Variants in SLC4A10 observed in about 807,000 individuals in gnomAD.
The protein encoded by SLC4A10 is solute carrier family 4 member 10.
Under a neutral mutation model 137.7 loss-of-function variants are expected in SLC4A10, and 42 were observed. The observed-to-expected ratio is 0.30, with a 90% CI of 0.24 to 0.39. The LOEUF (loss-of-function observed/expected upper bound fraction) is 0.39. SLC4A10 is among the 10% of genes least tolerant of loss of function. The probability of loss-of-function intolerance (pLI) is 1.00; values close to 1 mark genes in which losing one functional copy is unlikely to be tolerated. For missense variants in SLC4A10, 925 were observed against 1,355.0 expected (o/e 0.68, Z 4.98); for synonymous variants, 474 against 464.1 (o/e 1.02, Z -0.27).
At position 161,983,331 on chromosome 2, in the gene SLC4A10, C is replaced by A; in HGVS notation, c.*179C>A. ...CTGCTTTGATCATGTATTGTAAATTCTGTCCCTCAACCCAAATCCACCTTC... is the reference window on the plus strand; with the variant it reads ...CTGCTTTGATCATGTATTGTAAATTATGTCCCTCAACCCAAATCCACCTTC... On this transcript the variant is annotated 3_prime_UTR_variant, in exon 27 of 27. Transcript: ENST00000446997. 1.6e-6 allele frequency: 2 copies of A among 1,287,848 alleles called. No homozygotes were observed. Among genetic ancestry groups the A allele is most frequent in the East Asian group, 2.5e-5 (1 of 39,714 alleles). 79.8% of individuals were successfully genotyped at this position (1,287,848 alleles called of 1,614,324 possible). A position where few individuals can be genotyped will look rare whatever the true frequency, so the allele number is the denominator to read the frequency against.
intron 15 of SLC4A10, among the ~76,000 whole-genome samples, chr2:161,910,867 A>T (rs1330302194): frequency 6.6e-6 from 1 of 151,808 alleles, no homozygotes; most frequent in Non-Finnish European, 1.5e-5. Context: ...CTAGATTTGA[A>T]CCTCCTTTAA....
chr2:161,749,716 T>C (rs1479200059), intron 1 of SLC4A10, among the ~76,000 whole-genome samples: 2 of 151,858 alleles, frequency 1.3e-5, no homozygotes, highest in African/African-American at 4.8e-5. Flanking sequence ...TGGCCTGTAG[T>C]TGTTTTTTGT....
intron 2 of SLC4A10, among the ~76,000 whole-genome samples, chr2:161,799,449 A>G (rs2055148457): frequency 6.6e-6 from 1 of 151,892 alleles, no homozygotes; most frequent in African/African-American, 2.4e-5. Context: ...TCTTTACAGG[A>G]CCTGAGGGGA....
chr2:161,704,112 T>C (rs1358386776), intron 1 of SLC4A10, among the ~76,000 whole-genome samples: 1 of 151,572 alleles, frequency 6.6e-6, no homozygotes, highest in Non-Finnish European at 1.5e-5. Flanking sequence ...ATTGTCCTGC[T>C]GTTAGTGAAA....
At chr2:161,826,312 T>C (rs1404622355) in intron 3 of SLC4A10, among the ~76,000 whole-genome samples, 1 of 152,200 alleles carries the variant, frequency 6.6e-6, no homozygotes, top group Non-Finnish European at 1.5e-5. Flanking sequence ...GATTCAGAAA[T>C]TCACAATGGT....
At chr2:161,643,283 G>A (rs573555961) in intron 1 of SLC4A10, among the ~76,000 whole-genome samples, 38 of 152,108 alleles carry the variant, frequency 2.5e-4, no homozygotes, top group Non-Finnish European at 5.0e-4. Flanking sequence ...AAGGCCAAAA[G>A]GGTTTTACTT....
intron 17 of SLC4A10, among the ~76,000 whole-genome samples, chr2:161,947,978 A>G (rs2105801259): frequency 6.6e-6 from 1 of 152,242 alleles, no homozygotes; most frequent in East Asian, 1.9e-4. Flanking sequence ...GGAAATTCAC[A>G]GCACACACTG....
At chr2:161,880,581 T>A (rs954259628) in intron 9 of SLC4A10, among the ~76,000 whole-genome samples, 2 of 152,076 alleles carry the variant, frequency 1.3e-5, no homozygotes, top group African/African-American at 4.8e-5. Context: ...CTGATACACA[T>A]CAACTTTTAT....
At position 161,655,551 on chromosome 2, in the gene SLC4A10, C is replaced by G. The variant is rs574457704; in HGVS notation, c.48+30985C>G. Among the ~76,000 whole-genome samples, 5 of 152,232 alleles carry G rather than the reference C, an allele frequency of 3.3e-5. No homozygotes were observed. In the East Asian group the frequency reaches 9.7e-4, roughly 29 times the overall value. On this transcript the variant is annotated intron_variant, in intron 1 of 26. Coordinates refer to ENST00000446997, the MANE Select transcript of SLC4A10 (RefSeq NM_001178015.2). ...AGATTAAATTAGTCACCAAAAACCT[C>G]CCAATGAAAAGCCCAGGATCAGATG...
intron 1 of SLC4A10, among the ~76,000 whole-genome samples, chr2:161,669,636 A>G (rs1010426571): frequency 1.4e-4 from 22 of 152,174 alleles, no homozygotes; most frequent in African/African-American, 5.1e-4. Flanking sequence ...TAATAAAATC[A>G]TGTGGTATAT....
intron 13 of SLC4A10, 68 bp downstream of exon 13, chr2:161,904,246 G>A (rs1475438348): frequency 6.8e-7 from 1 of 1,466,306 alleles, no homozygotes; most frequent in Non-Finnish European, 9.2e-7. Flanking sequence ...TTAGATAAGT[G>A]AGCATTTAAT....
intron 15 of SLC4A10, among the ~76,000 whole-genome samples, chr2:161,938,165 G>A (rs192090596): frequency 2.0e-4 from 30 of 152,198 alleles, no homozygotes; most frequent in African/African-American, 6.0e-4. Flanking sequence ...TAGCTATTCG[G>A]GAGGCTGAGG....
At chr2:161,665,081 G>C (rs2038889798) in intron 1 of SLC4A10, among the ~76,000 whole-genome samples, 1 of 151,746 alleles carries the variant, frequency 6.6e-6, no homozygotes, top group African/African-American at 2.4e-5. Context: ...TTGCAGGAGT[G>C]TAACTGAAGC....
chr2:161,678,178 T>G (rs2040466897), intron 1 of SLC4A10, among the ~76,000 whole-genome samples: 1 of 152,182 alleles, frequency 6.6e-6, no homozygotes, highest in Non-Finnish European at 1.5e-5. Flanking sequence ...TGTCCTAATC[T>G]GGATGACTGG....
intron 4 of SLC4A10, among the ~76,000 whole-genome samples, chr2:161,842,291 C>T (rs1034573796): frequency 3.3e-5 from 5 of 152,114 alleles, no homozygotes; most frequent in African/African-American, 1.2e-4. Context: ...CTAATTTACA[C>T]TTCTATCAAC....
intron 1 of SLC4A10, among the ~76,000 whole-genome samples, chr2:161,767,119 ATATATATATATATATATATATGTG>A (rs1269174954): frequency 2.4e-5 from 2 of 83,320 alleles, no homozygotes; most frequent in African/African-American, 1.0e-4. Context: ...ATATATATAT[ATATATATATATATATATATATGTG>A]TGTGTGTGTG....
chr2:161,770,920 A>G (rs1170504984), intron 1 of SLC4A10, 53 bp from the exon 2 acceptor site: 1 of 1,321,424 alleles, frequency 7.6e-7, no homozygotes, highest in Non-Finnish European at 1.1e-6. Flanking sequence ...TGTTTTTTGA[A>G]ATTGAGATAA....
At chr2:161,904,513 T>C (rs1304184578) in intron 13 of SLC4A10, among the ~76,000 whole-genome samples, 2 of 152,154 alleles carry the variant, frequency 1.3e-5, no homozygotes, top group African/African-American at 4.8e-5. Context: ...CAGACACTAA[T>C]CCTGAATACA....
chr2:161,924,490 A>G (rs957468392), intron 15 of SLC4A10, among the ~76,000 whole-genome samples: 3 of 152,148 alleles, frequency 2.0e-5, no homozygotes, highest in Non-Finnish European at 2.9e-5. Context: ...CTGTGATTTT[A>G]TACATATATA....
Sources: allele counts gnomAD v4.1 joint callset (sites outside exome capture counted in the v4.1 genomes callset), GRCh38; gene constraint gnomAD v4.1.1; transcripts MANE v1.5; gene names NCBI Gene and HGNC (gene_info 2026-07-23, HGNC 2026-07-21).